LRRFIP2: variants seen among roughly 807,000 people sequenced by gnomAD.
LRRFIP2 encodes leucine-rich repeat flightless-interacting protein 2.
In LRRFIP2, 109 loss-of-function variants were observed where a neutral mutation model predicts 125.9. That is an observed-to-expected ratio of 0.87 (90% CI 0.74 to 1.01). The LOEUF (loss-of-function observed/expected upper bound fraction) is 1.01. LRRFIP2 is among the 50% of genes least tolerant of loss of function. LRRFIP2 has a pLI of 0.00. For synonymous variants in LRRFIP2, 291 were observed against 293.1 expected (o/e 0.99, Z 0.07); for missense variants, 850 against 862.3 (o/e 0.99, Z 0.18).
upstream of LRRFIP2, chr3:37,176,010 A>T (rs1052457476): frequency 2.0e-5 from 3 of 152,026 alleles, no homozygotes; most frequent in African/African-American, 7.2e-5. Flanking sequence ...AAAGGTTCCC[A>T]ACTCCCCGCT....
intron 15 of LRRFIP2, among the ~76,000 whole-genome samples, chr3:37,101,762 G>A (rs1485806146): frequency 6.6e-6 from 1 of 151,590 alleles, no homozygotes; most frequent in East Asian, 1.9e-4. Flanking sequence ...AATCAGTATA[G>A]CCTTGGTCCA....
At chr3:37,090,390 G>A (rs973352236) in intron 18 of LRRFIP2, among the ~76,000 whole-genome samples, 3 of 151,964 alleles carry the variant, frequency 2.0e-5, no homozygotes, top group African/African-American at 7.3e-5. Context: ...CACCATGCCT[G>A]GTGAATTTTT....
chr3:37,168,649 T>C (rs934414856), intron 1 of LRRFIP2, among the ~76,000 whole-genome samples: 3 of 152,216 alleles, frequency 2.0e-5, no homozygotes, highest in Non-Finnish European at 4.4e-5. Context: ...CACTTAAAAA[T>C]GGTTTAAATG....
At chr3:37,096,117 G>A (rs1284296782) in intron 16 of LRRFIP2, among the ~76,000 whole-genome samples, 2 of 152,104 alleles carry the variant, frequency 1.3e-5, no homozygotes, top group East Asian at 3.9e-4. Flanking sequence ...CTACTGGACA[G>A]AGTTAATTTA....
intron 1 of LRRFIP2, among the ~76,000 whole-genome samples, chr3:37,167,488 T>C (rs953273804): frequency 6.6e-6 from 1 of 151,042 alleles, no homozygotes; most frequent in Non-Finnish European, 1.5e-5. Context: ...ACCCCGTCTC[T>C]ACTGAAAATA....
At chr3:37,108,421 T>G (rs544262532) in intron 12 of LRRFIP2, among the ~76,000 whole-genome samples, 1 of 152,240 alleles carries the variant, frequency 6.6e-6, no homozygotes, top group Non-Finnish European at 1.5e-5. Context: ...CTTGAAATCA[T>G]GATTTCCAGC....
chr3:37,172,192 TACTA>T (rs1251648987), intron 1 of LRRFIP2, among the ~76,000 whole-genome samples: 2 of 152,224 alleles, frequency 1.3e-5, no homozygotes, highest in African/African-American at 2.4e-5. Flanking sequence ...TCTGTATAGA[TACTA>T]ACTAATGCAA....
At position 37,083,631 on chromosome 3, in the gene LRRFIP2, A is replaced by C. The variant is rs141235884; in HGVS notation, c.1278+5T>G. ...CCCCAAGAGAAAATACAAGATAAGC[A>C]TTACCTTTGATTTTTCTTCATTTTC... On this transcript the variant is annotated splice_donor_5th_base_variant and intron_variant, in intron 19 of 27. Coordinates refer to ENST00000336686, the MANE Select transcript of LRRFIP2 (RefSeq NM_006309.4). The C allele has an allele frequency of 4.1e-5, 63 of 1,555,124 alleles. No homozygotes were observed. In the African/African-American group the frequency reaches 6.6e-4, roughly 16 times the overall value.
At chr3:37,138,157 G>T (rs1008698627) in intron 2 of LRRFIP2, among the ~76,000 whole-genome samples, 1 of 152,194 alleles carries the variant, frequency 6.6e-6, no homozygotes, top group Non-Finnish European at 1.5e-5. Context: ...AAAGTAAAAC[G>T]TGATTAGCTA....
intron 2 of LRRFIP2, among the ~76,000 whole-genome samples, chr3:37,136,102 C>T (rs1422306403): frequency 2.6e-5 from 4 of 152,190 alleles, no homozygotes; most frequent in Non-Finnish European, 5.9e-5. Flanking sequence ...ATTATTCAGC[C>T]TTAAAAAGAA....
intron 1 of LRRFIP2, among the ~76,000 whole-genome samples, chr3:37,154,348 A>G (rs1198173524): frequency 6.6e-6 from 1 of 152,190 alleles, no homozygotes; most frequent in Admixed American, 6.5e-5. Flanking sequence ...GAGAATGTAG[A>G]CTCAAAGGAA....
chr3:37,063,656 T>C, intron 24 of LRRFIP2, 86 bp downstream of exon 24: 1 of 984,572 alleles, frequency 1.0e-6, no homozygotes, highest in Non-Finnish European at 1.6e-6. Context: ...AAGAAGCATA[T>C]TTTTTTAATG....
rs753766837 is a variant in LRRFIP2 at position 37,108,662 on chromosome 3, AATCCACC to A, written c.625_631del (p.Gly209TyrfsTer20). 3.7e-6 allele frequency: 6 copies of A among 1,610,544 alleles called. No individual in the cohort carries two copies. Among genetic ancestry groups the A allele is most frequent in the Middle Eastern group, 1.7e-4 (1 of 6,052 alleles). ...AGTTCGAGGACCATAAGGGTTATAT[AATCCACC>A]ATTGTACAATGATGCCTAAGGAACA... is the stretch of plus-strand genomic sequence containing the variant. On this transcript the variant is annotated frameshift_variant, in exon 12 of 28. Transcript: ENST00000336686. LOFTEE classifies it high-confidence loss of function.
At chr3:37,064,074 T>C in intron 23 of LRRFIP2, 1 of 364,282 alleles carries the variant, frequency 2.7e-6, no homozygotes, top group Non-Finnish European at 5.0e-6. Context: ...ACAAAGGAGG[T>C]CATTTCCTTG....
At chr3:37,138,637 A>G (rs2095617581) in intron 2 of LRRFIP2, among the ~76,000 whole-genome samples, 1 of 152,204 alleles carries the variant, frequency 6.6e-6, no homozygotes, top group South Asian at 2.1e-4. Context: ...ACTGTCATCA[A>G]TCAGAACATG....
chr3:37,109,386 C>G, intron 11 of LRRFIP2, 141 bp downstream of exon 11: 1 of 861,640 alleles, frequency 1.2e-6, no homozygotes, highest in Non-Finnish European at 1.9e-6. Context: ...ATTTTAAGCA[C>G]AGGCAGCACA....
At chr3:37,175,845 G>C (rs963685863), upstream of LRRFIP2, 12 of 152,218 alleles carry the variant, frequency 7.9e-5, no homozygotes, top group Admixed American at 5.9e-4. Context: ...GGAAGGGTGA[G>C]CGTTAGAAAT....
chr3:37,096,907 T>G (rs1231065820), intron 15 of LRRFIP2, among the ~76,000 whole-genome samples: 1 of 152,076 alleles, frequency 6.6e-6, no homozygotes, highest in African/African-American at 2.4e-5. Flanking sequence ...TTTGGGTAAA[T>G]TTTCTGTTTA....
At chr3:37,134,246 G>C (rs894750984) in intron 2 of LRRFIP2, among the ~76,000 whole-genome samples, 1 of 151,422 alleles carries the variant, frequency 6.6e-6, no homozygotes, top group African/African-American at 2.4e-5. Context: ...AAATGCATTA[G>C]GTTGTATTTA....
Sources: gnomAD v4.1 joint callset for allele counts (sites outside exome capture counted in the v4.1 genomes callset) on GRCh38, gnomAD v4.1.1 for gene constraint, MANE v1.5 for transcripts, NCBI Gene and HGNC (gene_info 2026-07-23, HGNC 2026-07-21) for gene names.